TECTA: variants seen among roughly 807,000 people sequenced by gnomAD.
The protein encoded by TECTA is alpha-tectorin.
Under a neutral mutation model 216.8 loss-of-function variants are expected in TECTA, and 128 were observed. The observed-to-expected ratio is 0.59, with a 90% CI of 0.51 to 0.68. The LOEUF (loss-of-function observed/expected upper bound fraction) is 0.68, where lower values mean the gene tolerates loss of function less well. Among genes scored for constraint, TECTA ranks in the 30% least tolerant of loss-of-function variants. TECTA has a pLI of 0.00. For missense variants in TECTA, 2,551 were observed against 2,786.2 expected, an observed-to-expected ratio of 0.92 and a Z score of 1.90; for synonymous variants, 1,089 against 1,117.1, an observed-to-expected ratio of 0.97 and a Z score of 0.50.
At chr11:121,109,609 T>C in intron 4 of TECTA, 111 bp downstream of exon 4, 1 of 1,367,372 alleles carries the variant, frequency 7.3e-7, no homozygotes, top group Non-Finnish European at 1.0e-6. Flanking sequence ...GTCAGTTCCC[T>C]TGAGTTAAAC....
intron 4 of TECTA, among the ~76,000 whole-genome samples, chr11:121,110,910 A>G (rs1946435817): frequency 6.6e-6 from 1 of 152,208 alleles, no homozygotes; most frequent in African/African-American, 2.4e-5. Context: ...TCCTTGGAGT[A>G]AAAAAAGATG....
intron 10 of TECTA, among the ~76,000 whole-genome samples, chr11:121,134,355 A>C (rs1323006299): frequency 1.3e-5 from 2 of 151,988 alleles, no homozygotes; most frequent in Non-Finnish European, 2.9e-5. Flanking sequence ...ACACGCACAC[A>C]CTTCTTTTTA....
Position 121,158,104 on chromosome 11 carries a change from C to T in TECTA, c.4569C>T (p.Ile1523=). The T allele has an allele frequency of 6.2e-7, 1 of 1,614,220 alleles. No homozygotes were observed. The part of the protein sequence containing the change: ...LSTICQKLPD[I]SFQLIINFDK... ...CCATCTGCCAGAAACTGCCCGACATCTCCTTCCAGCTTATCATCAACTTCG... is the reference window on the plus strand; with the variant it reads ...CCATCTGCCAGAAACTGCCCGACATTTCCTTCCAGCTTATCATCAACTTCG... Residue 1523 remains isoleucine, a synonymous_variant, in exon 14 of 24, where the codon ATC becomes ATT. Coordinates refer to ENST00000392793, the MANE Select transcript of TECTA (RefSeq NM_005422.4).
intron 11 of TECTA, among the ~76,000 whole-genome samples, chr11:121,141,257 G>A (rs557629786): frequency 3.9e-5 from 6 of 152,202 alleles, no homozygotes; most frequent in Non-Finnish European, 5.9e-5. Flanking sequence ...ATCTCTCCCT[G>A]AGCCTGAAGA....
At position 121,160,278 on chromosome 11, in the gene TECTA, C is replaced by T. The variant is rs773838701; in HGVS notation, c.4833C>T (p.Ser1611=). The T allele has an allele frequency of 2.5e-6, 4 of 1,613,966 alleles. No homozygotes were observed. The highest frequency in any genetic ancestry group is 2.7e-5 in the African/African-American group (2 of 74,880). Reference sequence around the variant, plus strand: ...TCAACGTCATTAAAATCAGCATCAGCGAGAGGCTGCAGAACAAAGTGTGCG... The same window carrying T: ...TCAACGTCATTAAAATCAGCATCAGTGAGAGGCTGCAGAACAAAGTGTGCG... ...NGFNVIKISI[S]ERLQNKVCGL... is the part of the protein sequence containing the mutation. The change falls in exon 15 of 24, where the codon AGC becomes AGT. Residue 1611 remains serine (S), a synonymous_variant. Transcript: ENST00000392793.
At chr11:121,141,184 A>T (rs1235152621) in intron 11 of TECTA, among the ~76,000 whole-genome samples, 1 of 152,208 alleles carries the variant, frequency 6.6e-6, no homozygotes, top group Non-Finnish European at 1.5e-5. Context: ...ATTAAAATGC[A>T]TTGCAGGATC....
intron 20 of TECTA, among the ~76,000 whole-genome samples, chr11:121,184,409 G>A (rs1209298155): frequency 6.6e-6 from 1 of 152,184 alleles, no homozygotes; most frequent in African/African-American, 2.4e-5. Flanking sequence ...GGGAATCCCA[G>A]GCCTATCCTG....
chr11:121,113,723 A>T lies in TECTA; in HGVS notation c.790+5A>T, dbSNP rs374314640. 5.0e-6 allele frequency: 8 copies of T among 1,613,038 alleles called. No homozygotes were observed. The African/African-American group carries it at 8.0e-5, about 16-fold the overall frequency. On this transcript the variant is annotated splice_donor_5th_base_variant and intron_variant, in intron 6 of 23. Coordinates refer to ENST00000392793, the MANE Select transcript of TECTA (RefSeq NM_005422.4). The surrounding 1 kb of genome is among the most constrained non-coding windows in gnomAD (Gnocchi z 4.2). ...CCAATGGCTGCACCTCAAGGGGTAA[A>T]GCTTTTCCTCTGTCTGTGGCAAGGC... is the stretch of plus-strand genomic sequence containing the variant.
At chr11:121,154,442 G>A (rs1033674007) in intron 13 of TECTA, among the ~76,000 whole-genome samples, 6 of 152,180 alleles carry the variant, frequency 3.9e-5, no homozygotes, top group Non-Finnish European at 8.8e-5. Flanking sequence ...AAAGGAAAAG[G>A]CAGAACATGT....
chr11:121,189,562 G>A (rs1947321535), intron 22 of TECTA, among the ~76,000 whole-genome samples: 1 of 152,108 alleles, frequency 6.6e-6, no homozygotes, highest in South Asian at 2.1e-4. Context: ...TTTTAGTAGA[G>A]ACGGGGTTTC....
chr11:121,152,915 C>T lies in TECTA; in HGVS notation c.4140C>T (p.Ser1380=). The T allele has an allele frequency of 6.2e-7, 1 of 1,609,816 alleles. No homozygotes were observed. Among genetic ancestry groups the T allele is most frequent in the Non-Finnish European group, 8.5e-7 (1 of 1,176,556 alleles). The change falls in exon 13 of 24, where the codon AGC becomes AGT. Residue 1380 remains serine (S), a synonymous_variant. Transcript: ENST00000392793. The part of the protein sequence containing the change: ...VTCPPNSHYE[S]CVSVCQPRCA... ...GCCCTCCAAACAGCCATTACGAGAG[C>T]TGCGTGAGTGTCTGCCAGCCCCGCT...
intron 20 of TECTA, among the ~76,000 whole-genome samples, chr11:121,171,876 T>C (rs1274781293): frequency 6.6e-6 from 1 of 152,218 alleles, no homozygotes; most frequent in Non-Finnish European, 1.5e-5. Flanking sequence ...TTTGACTTTC[T>C]GTTTCCCAGT....
At chr11:121,148,680 G>A (rs1028626957) in intron 12 of TECTA, among the ~76,000 whole-genome samples, 6 of 152,162 alleles carry the variant, frequency 3.9e-5, no homozygotes, top group Admixed American at 3.3e-4. Flanking sequence ...GGTGCTTTAG[G>A]AGCAAAGGGG....
At chr11:121,190,388 C>G (rs931461874) in intron 23 of TECTA, among the ~76,000 whole-genome samples, 1 of 152,170 alleles carries the variant, frequency 6.6e-6, no homozygotes, top group African/African-American at 2.4e-5. Flanking sequence ...CCTCAACCAC[C>G]GGAGTAACTG....
chr11:121,176,152 CTG>C (rs1947164362), intron 20 of TECTA, among the ~76,000 whole-genome samples: 1 of 151,610 alleles, frequency 6.6e-6, no homozygotes, highest in African/African-American at 2.4e-5. Flanking sequence ...ATTTGCCAGT[CTG>C]TGTCTTTTAA....
At chr11:121,143,894 T>A (rs1215290120) in intron 11 of TECTA, among the ~76,000 whole-genome samples, 1 of 152,328 alleles carries the variant, frequency 6.6e-6, no homozygotes, top group Admixed American at 6.5e-5. Flanking sequence ...CTGGGAGCCC[T>A]GGCACTTGAC....
rs1946619061 is a variant in TECTA at position 121,127,013 on chromosome 11, G to A, written c.1775-739G>A. ...CAATGGACTCTGTTTAATTCAGAGA[G>A]CTAGTTTGCTAGGCCCCTGAGCCCC... On this transcript the variant is annotated intron_variant, in intron 8 of 23. Transcript: ENST00000392793. The surrounding 1 kb of genome is among the most constrained non-coding windows in gnomAD (Gnocchi z 5.0). 6.6e-6 allele frequency among the ~76,000 whole-genome samples: 1 copy of A among 152,194 alleles called. No homozygotes were observed. Among genetic ancestry groups the A allele is most frequent in the South Asian group, 2.1e-4 (1 of 4,822 alleles).
intron 20 of TECTA, among the ~76,000 whole-genome samples, chr11:121,175,398 A>G (rs377119780): frequency 9.2e-5 from 14 of 151,628 alleles, no homozygotes; most frequent in African/African-American, 3.4e-4. Context: ...TTGTGTCTTT[A>G]TTCTCGTTGG....
chr11:121,145,829 G>C lies in TECTA; in HGVS notation c.3818G>C (p.Arg1273Thr), dbSNP rs1379670945. The C allele has an allele frequency of 1.2e-6, 2 of 1,614,208 alleles. No homozygotes were observed. The highest frequency in any genetic ancestry group is 4.5e-5 in the East Asian group (2 of 44,890). ...GAGTTTGGGCAGAGCTGGGTGAAGA[G>C]GGACACCTTCTGCCAGGTGGGCTGT... ...VNEFGQSWVK[R>T]DTFCQVGCGD... The change falls in exon 12 of 24, where the codon AGG (arginine) becomes ACG (threonine). Residue 1273 changes from arginine (R) to threonine (T), a missense_variant. Arg to Thr is a moderately conservative substitution (Grantham distance 71, BLOSUM62 -1). Around this residue, in one of 3 missense-constraint regions of TECTA, gnomAD observed 2,375 missense variants for 2,563.9 expected, o/e 0.93. Transcript: ENST00000392793.
Sources: allele counts gnomAD v4.1 joint callset (sites outside exome capture counted in the v4.1 genomes callset), GRCh38; gene constraint gnomAD v4.1.1; regional missense constraint gnomAD v4.1.1; non-coding constraint Gnocchi (gnomAD v3.1); transcripts MANE v1.5; gene names NCBI Gene and HGNC (gene_info 2026-07-23, HGNC 2026-07-21).